The following IFFO2 variants were observed in gnomAD, a reference collection of about 807,000 sequenced individuals.
IFFO2 encodes intermediate filament family orphan 2.
A neutral mutation model predicts 53.5 loss-of-function variants in IFFO2; 19 were observed. That is an observed-to-expected ratio of 0.36 (90% confidence interval 0.25 to 0.52). The LOEUF (loss-of-function observed/expected upper bound fraction) is 0.52. IFFO2 is among the 20% of genes least tolerant of loss of function. The pLI is 0.94. For missense variants in IFFO2, 570 were observed against 727.4 expected, an observed-to-expected ratio of 0.78 and a Z score of 2.49; for synonymous variants, 303 against 313.6, an observed-to-expected ratio of 0.97 and a Z score of 0.36.
At chr1:18,948,352 G>T (rs1436954501) in intron 1 of IFFO2, among the ~76,000 whole-genome samples, 9 of 152,214 alleles carry the variant, frequency 5.9e-5, no homozygotes. Context: ...AGAGAACGTA[G>T]TCTTCATAGG....
intron 1 of IFFO2, among the ~76,000 whole-genome samples, chr1:18,930,102 G>T (rs1936355135): frequency 6.6e-6 from 1 of 152,210 alleles, no homozygotes; most frequent in Admixed American, 6.5e-5. Flanking sequence ...GCAGTTCTGT[G>T]ACCTTGAGCA....
At chr1:18,933,252 A>C (rs1936402859) in intron 1 of IFFO2, among the ~76,000 whole-genome samples, 1 of 152,204 alleles carries the variant, frequency 6.6e-6, no homozygotes, top group South Asian at 2.1e-4. Context: ...TGTGCCAGGC[A>C]AGCAGGGATG....
At chr1:18,941,666 G>A (rs1370474830) in intron 1 of IFFO2, among the ~76,000 whole-genome samples, 1 of 152,216 alleles carries the variant, frequency 6.6e-6, no homozygotes, top group East Asian at 1.9e-4. Flanking sequence ...CTGCCAGAAT[G>A]AGCTTGCATG....
At chr1:18,932,643 T>C (rs1936394266) in intron 1 of IFFO2, among the ~76,000 whole-genome samples, 1 of 152,194 alleles carries the variant, frequency 6.6e-6, no homozygotes, top group African/African-American at 2.4e-5. Flanking sequence ...CAGTAAATGC[T>C]CAATAGATGG....
chr1:18,955,524 T>C, intron 1 of IFFO2, 144 bp downstream of exon 1: 1 of 1,268,238 alleles, frequency 7.9e-7, no homozygotes, highest in Non-Finnish European at 1.0e-6. Context: ...CTTCCTGGCG[T>C]ACGTAAGACG....
chr1:18,939,460 T>G (rs1936492489), intron 1 of IFFO2, among the ~76,000 whole-genome samples: 1 of 152,168 alleles, frequency 6.6e-6, no homozygotes, highest in Non-Finnish European at 1.5e-5. Flanking sequence ...GGCCTCAGTT[T>G]CCCCATCAGG....
At position 18,919,350 on chromosome 1, in the gene IFFO2, C is replaced by A. The variant is rs548391055; in HGVS notation, c.822+328G>T. On this transcript the variant is annotated intron_variant, in intron 3 of 8. Transcript: ENST00000455833. The surrounding 1 kb of genome is among the most constrained non-coding windows in gnomAD (Gnocchi z 4.9). ...TGCCAGACGCCCTGCTACGCCCAGA[C>A]ACCGAGGCCTGCCCTCATCAAGGCG... Among the ~76,000 whole-genome samples the A allele has an allele frequency of 2.5e-4, 38 of 152,340 alleles. No individual in the cohort carries two copies. The highest frequency in any genetic ancestry group is 8.9e-4 in the African/African-American group (37 of 41,580).
chr1:18,915,181 C>G (rs1419107003), intron 5 of IFFO2, among the ~76,000 whole-genome samples: 1 of 152,118 alleles, frequency 6.6e-6, no homozygotes, highest in Non-Finnish European at 1.5e-5. Flanking sequence ...AGTCCATTCT[C>G]TCATTTGTAC....
Position 18,913,989 on chromosome 1 carries a change from G to A in IFFO2, c.1104-1906C>T, listed in dbSNP as rs549761046. Among the ~76,000 whole-genome samples, 55 of 151,638 alleles carry A rather than the reference G, an allele frequency of 3.6e-4. 1 individual carries two copies. The highest frequency in any genetic ancestry group is 3.4e-3 in the Middle Eastern group (1 of 292). On this transcript the variant is annotated intron_variant, in intron 5 of 8. Coordinates refer to ENST00000455833, the MANE Select transcript of IFFO2 (RefSeq NM_001136265.2). The stretch of plus-strand genomic sequence containing the variant: ...TGGGACTACAGGCGCCCGCCACCAC[G>A]CCCGGCTAATTTTTTGTATTTTTAG...
intron 6 of IFFO2, 89 bp downstream of exon 6, chr1:18,911,874 A>G: frequency 6.8e-7 from 1 of 1,480,802 alleles, no homozygotes; most frequent in South Asian, 1.3e-5. Context: ...TGGGGGCTGT[A>G]GAAAAATAAC....
intron 1 of IFFO2, among the ~76,000 whole-genome samples, chr1:18,946,317 T>G (rs1432559794): frequency 6.6e-5 from 10 of 152,090 alleles, no homozygotes; most frequent in Admixed American, 6.6e-4. Flanking sequence ...GGGAAGCTAC[T>G]TGCAATGGGC....
chr1:18,937,921 C>G (rs949289746), intron 1 of IFFO2, among the ~76,000 whole-genome samples: 1 of 152,250 alleles, frequency 6.6e-6, no homozygotes, highest in Non-Finnish European at 1.5e-5. Flanking sequence ...CCAGCACAGC[C>G]TCTCTTCTCA....
rs1936135324 is a variant in IFFO2 at position 18,916,541 on chromosome 1, G to A, written c.1103+362C>T. On this transcript the variant is annotated intron_variant, in intron 5 of 8. Transcript: ENST00000455833. This position sits in a 1 kb window ranked among gnomAD's most constrained non-coding sequence, Gnocchi z 4.3. ...AGCACTTTGGGAGGCCAAGGCAGAA[G>A]CATCGCTTGAGCTCAGGAATTTGAG... Among the ~76,000 whole-genome samples, 1 of 152,326 alleles carries A rather than the reference G, an allele frequency of 6.6e-6. No individual in the cohort carries two copies. The highest frequency in any genetic ancestry group is 1.9e-4 in the East Asian group (1 of 5,184).
rs766669794 is a variant in IFFO2, at chr1:18,908,411, A to G, written c.*150T>C. The G allele has an allele frequency of 1.3e-5, 8 of 615,834 alleles. No individual in the cohort carries two copies. Among genetic ancestry groups the G allele is most frequent in the Non-Finnish European group, 2.0e-5 (7 of 342,748 alleles). The allele number at this position is 615,834 out of a possible 1,614,324, so 38.1% of individuals were successfully genotyped here. A position where few individuals can be genotyped will look rare whatever the true frequency, so the allele number is the denominator to read the frequency against. On this transcript the variant is annotated 3_prime_UTR_variant, in exon 9 of 9. Transcript: ENST00000455833. ...GTGGTGTGGAAGGAAGGAAGGAAGC[A>G]GCAGTCCCTCAGGGCCTCCAGAGAA... is the stretch of plus-strand genomic sequence containing the variant.
intron 1 of IFFO2, among the ~76,000 whole-genome samples, chr1:18,933,759 AAAAT>A (rs1936409762): frequency 2.0e-5 from 3 of 152,108 alleles, no homozygotes; most frequent in Admixed American, 2.0e-4. Context: ...CCCTGTCTCA[AAAAT>A]AAATAAATAA....
At chr1:18,911,301 A>T in intron 7 of IFFO2, 83 bp downstream of exon 7, 1 of 664,874 alleles carries the variant, frequency 1.5e-6, no homozygotes, top group Non-Finnish European at 2.3e-6. Flanking sequence ...TGCCCATGAC[A>T]CATGGGTGTT....
chr1:18,910,810 T>C (rs1251240690), intron 7 of IFFO2, among the ~76,000 whole-genome samples: 1 of 152,262 alleles, frequency 6.6e-6, no homozygotes, highest in Non-Finnish European at 1.5e-5. Flanking sequence ...GGCTTTTTCA[T>C]GTTTCTGACT....
chr1:18,930,176 A>T (rs1936355830), intron 1 of IFFO2, among the ~76,000 whole-genome samples: 1 of 152,262 alleles, frequency 6.6e-6, no homozygotes, highest in African/African-American at 2.4e-5. Flanking sequence ...CCCACATTCC[A>T]TGGAATAGCA....
rs1569828155 is a variant in IFFO2, at chr1:18,910,405, A to G, written c.1385T>C (p.Met462Thr). 4 of 1,613,992 alleles carry G rather than the reference A, an allele frequency of 2.5e-6. No individual in the cohort carries two copies. Among genetic ancestry groups the G allele is most frequent in the Non-Finnish European group, 3.4e-6 (4 of 1,179,924 alleles). The change falls in exon 8 of 9, where the codon ATG becomes ACG. Residue 462 changes from methionine to threonine, a missense_variant. Physicochemically the swap from Met to Thr is moderately conservative, Grantham distance 81 (BLOSUM62 -1). Coordinates refer to ENST00000455833, the MANE Select transcript of IFFO2 (RefSeq NM_001136265.2). ...CATCTGCACGTCCAGGCCTCGCTTC[A>G]TGCTGCACATCTCCATGTACTCGTG... ...HLHEYMEMCS[M>T]KRGLDVQMET...
Sources: allele counts gnomAD v4.1 joint callset (sites outside exome capture counted in the v4.1 genomes callset), GRCh38; gene constraint gnomAD v4.1.1; non-coding constraint Gnocchi (gnomAD v3.1); transcripts MANE v1.5; gene names NCBI Gene and HGNC (gene_info 2026-07-23, HGNC 2026-07-21).